Variants in PCDHA6 observed in about 807,000 individuals in gnomAD.
PCDHA6 encodes the protein protocadherin alpha 6.
In PCDHA6, 55 loss-of-function variants were observed where a neutral mutation model predicts 60.3. The observed-to-expected ratio is 0.91, with a 90% CI of 0.73 to 1.14. The LOEUF is 1.14. Among genes scored for constraint, PCDHA6 ranks in the 50% most tolerant of loss-of-function variants. PCDHA6 has a pLI of 0.00. For synonymous variants in PCDHA6, 652 were observed against 557.9 expected, an observed-to-expected ratio of 1.17 and a Z score of -2.38; for missense variants, 1,327 against 1,256.5, an observed-to-expected ratio of 1.06 and a Z score of -0.85.
In PCDHA6 at chr5:140,993,461, CT is replaced by C. The variant is rs1554253717; in HGVS notation, c.2542+10899del. 2.8e-3 allele frequency among the ~76,000 whole-genome samples: 284 copies of C among 103,272 alleles called. 3 individuals are homozygous for C. Among genetic ancestry groups the C allele is most frequent in the African/African-American group, 0.011 (251 of 22,630 alleles). 67.8% of individuals were successfully genotyped at this position (103,272 alleles called of 152,430 possible). ...TCATTCCTGTTCTCCTTCTTTCTTTCTCACACACACACACACACACACACAC... is the reference window on the plus strand; with the variant it reads ...TCATTCCTGTTCTCCTTCTTTCTTTCCACACACACACACACACACACACAC... On this transcript the variant is annotated intron_variant, in intron 3 of 3. Coordinates refer to ENST00000529310, the MANE Select transcript of PCDHA6 (RefSeq NM_018909.4).
At chr5:140,933,527 A>G (rs1324786303) in intron 1 of PCDHA6, among the ~76,000 whole-genome samples, 1 of 152,060 alleles carries the variant, frequency 6.6e-6, no homozygotes, top group African/African-American at 2.4e-5. Flanking sequence ...TTTTGTTTAA[A>G]CTCAAAATAA....
Position 140,842,759 on chromosome 5 carries a change from C to T in PCDHA6, c.2394+12274C>T, listed in dbSNP as rs1270005538. 3 of 1,594,688 alleles carry T rather than the reference C, an allele frequency of 1.9e-6. No homozygotes were observed. The East Asian group carries it at 6.7e-5, about 36-fold the overall frequency. ...CTGCCACATCTTCACGGTGTCTGCG[C>T]GAGACGCGGACGCGCAGGAGAACGC... is the stretch of plus-strand genomic sequence containing the variant. On this transcript the variant is annotated intron_variant, in intron 1 of 3. Coordinates refer to ENST00000529310, the MANE Select transcript of PCDHA6 (RefSeq NM_018909.4).
chr5:140,967,833 T>C, intron 1 of PCDHA6: 1 of 1,614,132 alleles, frequency 6.2e-7, no homozygotes, highest in Non-Finnish European at 8.5e-7. Context: ...GTGGACATCG[T>C]GGACGTGAAT....
At chr5:140,973,489 G>T (rs1554235344) in intron 1 of PCDHA6, among the ~76,000 whole-genome samples, 2 of 152,096 alleles carry the variant, frequency 1.3e-5, no homozygotes, top group African/African-American at 4.8e-5. Flanking sequence ...TTGGTCACAG[G>T]ACTCTTCTTC....
chr5:140,969,557 A>G, intron 1 of PCDHA6: 2 of 1,212,410 alleles, frequency 1.6e-6, no homozygotes, highest in South Asian at 3.3e-5. Context: ...AGCCTTGTCC[A>G]TAAAATTGTT....
chr5:140,882,462 G>C (rs1487611246), intron 1 of PCDHA6: 1 of 1,613,916 alleles, frequency 6.2e-7, no homozygotes, highest in Non-Finnish European at 8.5e-7. Context: ...CGCCTGTTCC[G>C]GGTGGCGTCC....
rs2150500536 is a variant in PCDHA6, at chr5:140,850,854, G to C, written c.2394+20369G>C. On this transcript the variant is annotated intron_variant, in intron 1 of 3. Transcript: ENST00000529310. ...TTGTGCTGGATCTACAGAGCGAACG[G>C]GAGAACCCTCTGCTTCCTCAGATTC... 60 of 1,595,366 alleles carry C rather than the reference G, an allele frequency of 3.8e-5. 3 individuals carry two copies. In the South Asian group the frequency reaches 6.2e-4, roughly 16 times the overall value.
At chr5:140,846,652 G>T (rs910062577) in intron 1 of PCDHA6, among the ~76,000 whole-genome samples, 4 of 149,138 alleles carry the variant, frequency 2.7e-5, no homozygotes, top group African/African-American at 9.8e-5. Context: ...GGGATTACAG[G>T]CATGAGCCAC....
intron 1 of PCDHA6, among the ~76,000 whole-genome samples, chr5:140,938,203 C>T (rs1181415730): frequency 6.6e-6 from 1 of 152,146 alleles, no homozygotes; most frequent in Non-Finnish European, 1.5e-5. Flanking sequence ...ACGCCAGCCT[C>T]CCAAAGTGCT....
At chr5:140,926,375 C>G (rs1265113344) in intron 1 of PCDHA6, 1 of 152,328 alleles carries the variant, frequency 6.6e-6, no homozygotes, top group African/African-American at 2.4e-5. Flanking sequence ...CAGGAAGAGC[C>G]CAGCTGGGCT....
In PCDHA6 at chr5:140,839,923, A is replaced by G. The variant is rs2150301855; in HGVS notation, c.2394+9438A>G. ...TGAAGTAATAGAAGAAAAACCTTGAACAAAGAGTGTGCCAAGAAGGAGACA... is the reference window on the plus strand; with the variant it reads ...TGAAGTAATAGAAGAAAAACCTTGAGCAAAGAGTGTGCCAAGAAGGAGACA... On this transcript the variant is annotated intron_variant, in intron 1 of 3. Transcript: ENST00000529310. Among the ~76,000 whole-genome samples the G allele has an allele frequency of 3.2e-4, 49 of 152,178 alleles. No individual in the cohort carries two copies. In the South Asian group the frequency reaches 8.1e-3, roughly 25 times the overall value.
At chr5:140,908,692 C>G (rs2074096551) in intron 1 of PCDHA6, among the ~76,000 whole-genome samples, 1 of 152,208 alleles carries the variant, frequency 6.6e-6, no homozygotes, top group South Asian at 2.1e-4. Context: ...CTGCCACTGA[C>G]ACCTCAAGCA....
intron 3 of PCDHA6, among the ~76,000 whole-genome samples, chr5:140,987,890 C>T (rs1554249653): frequency 1.3e-5 from 2 of 152,020 alleles, no homozygotes; most frequent in African/African-American, 4.8e-5. Flanking sequence ...TTTATGTGCC[C>T]TAGTTTTATA....
intron 3 of PCDHA6, among the ~76,000 whole-genome samples, chr5:140,991,982 A>ACCAC (rs2097483325): frequency 6.6e-6 from 1 of 151,494 alleles, no homozygotes; most frequent in African/African-American, 2.4e-5. Context: ...TATTCTGCCT[A>ACCAC]CCACCCGGTC....
chr5:140,900,566 G>A (rs1554189260), intron 1 of PCDHA6, among the ~76,000 whole-genome samples: 1 of 152,054 alleles, frequency 6.6e-6, no homozygotes, highest in Non-Finnish European at 1.5e-5. Flanking sequence ...CGTGAGCCAC[G>A]GCACCGGCCC....
Position 140,870,110 on chromosome 5 carries a change from G to A in PCDHA6, c.2394+39625G>A, listed in dbSNP as rs570133503. 6 of 1,613,896 alleles carry A rather than the reference G, an allele frequency of 3.7e-6. No individual in the cohort carries two copies. In the South Asian group the frequency reaches 6.6e-5, roughly 18 times the overall value. On this transcript the variant is annotated intron_variant, in intron 1 of 3. Coordinates refer to ENST00000529310, the MANE Select transcript of PCDHA6 (RefSeq NM_018909.4). ...CCAATGGCAGGTCACTGTACAGTCT[G>A]GGTGGAAATCTTGGACACCAACGAT... is the stretch of plus-strand genomic sequence containing the variant.
chr5:140,925,641 TATA>T (rs10569930), intron 1 of PCDHA6, among the ~76,000 whole-genome samples: 13,718 of 143,270 alleles, frequency 0.096, 957 homozygotes, highest in East Asian at 0.35. Context: ...GAACTTAAAG[TATA>T]ATAATAATAA....
intron 3 of PCDHA6, among the ~76,000 whole-genome samples, chr5:140,990,850 T>C (rs528860965): frequency 3.3e-5 from 5 of 152,312 alleles, no homozygotes; most frequent in African/African-American, 1.2e-4. Context: ...AATAGAGCCC[T>C]GAGGACATTG....
At chr5:140,907,134 C>A (rs1167927748) in intron 1 of PCDHA6, among the ~76,000 whole-genome samples, 1 of 152,112 alleles carries the variant, frequency 6.6e-6, no homozygotes, top group Non-Finnish European at 1.5e-5. Flanking sequence ...CCTGTGAATT[C>A]CGGCTATGGG....
Sources: gnomAD v4.1 joint callset for allele counts (sites outside exome capture counted in the v4.1 genomes callset) on GRCh38, gnomAD v4.1.1 for gene constraint, MANE v1.5 for transcripts, NCBI Gene and HGNC (gene_info 2026-07-23, HGNC 2026-07-21) for gene names.